SLC2A5: variants seen among roughly 807,000 people sequenced by gnomAD.
SLC2A5 encodes solute carrier family 2 member 5, also known as solute carrier family 2, facilitated glucose transporter member 5.
SLC2A5 carries 56 observed loss-of-function variants against 50.3 expected under a neutral mutation model. The observed-to-expected ratio is 1.11, with a 90% CI of 0.90 to 1.39. The LOEUF (loss-of-function observed/expected upper bound fraction) is 1.39. Among genes scored for constraint, SLC2A5 ranks in the 40% most tolerant of loss-of-function variants. The probability of loss-of-function intolerance (pLI) is 0.00; values close to 1 mark genes in which losing one functional copy is unlikely to be tolerated. For missense variants in SLC2A5, 566 were observed against 650.1 expected (o/e 0.87, Z 1.41); for synonymous variants, 269 against 281.9 (o/e 0.95, Z 0.46).
intron 4 of SLC2A5, among the ~76,000 whole-genome samples, chr1:9,043,072 C>T (rs374544783): frequency 3.3e-5 from 5 of 152,056 alleles, no homozygotes; most frequent in East Asian, 3.9e-4. Flanking sequence ...ACATATATTG[C>T]CCTATTTAAT....
upstream of SLC2A5, among the ~76,000 whole-genome samples, chr1:9,093,250 G>A (rs116896148): frequency 6.0e-3 from 917 of 151,982 alleles, 26 homozygotes; most frequent in East Asian, 0.089. Context: ...CCAGATCATC[G>A]TTACTACACC....
At chr1:9,055,674 G>A (rs1641732973) in intron 3 of SLC2A5, among the ~76,000 whole-genome samples, 1 of 152,022 alleles carries the variant, frequency 6.6e-6, no homozygotes, top group Admixed American at 6.6e-5. Context: ...TCAGCACTTG[G>A]GGAGGCCGAG....
intron 2 of SLC2A5, chr1:9,082,931 G>A (rs948016167): frequency 1.4e-5 from 3 of 216,556 alleles, no homozygotes; most frequent in African/African-American, 2.4e-5. Context: ...GGGGGCAGGG[G>A]GAATGAGCAG....
At chr1:9,066,100 A>G (rs954012280) in intron 1 of SLC2A5, among the ~76,000 whole-genome samples, 1 of 152,182 alleles carries the variant, frequency 6.6e-6, no homozygotes, top group African/African-American at 2.4e-5. Flanking sequence ...GGACCCGGAG[A>G]GCACAGAGGG....
At chr1:9,077,997 A>C (rs1383485419) in intron 2 of SLC2A5, among the ~76,000 whole-genome samples, 2 of 152,318 alleles carry the variant, frequency 1.3e-5, no homozygotes, top group Admixed American at 6.5e-5. Flanking sequence ...GGGCTGCTCA[A>C]CTGATTATAT....
At chr1:9,058,004 C>T (rs1444214286) in intron 2 of SLC2A5, 148 bp downstream of exon 2, 3 of 637,632 alleles carry the variant, frequency 4.7e-6, no homozygotes, top group Non-Finnish European at 8.5e-6. Flanking sequence ...CTGCGAGTTC[C>T]CTCGGGTCTG....
Position 9,037,544 on chromosome 1 carries a change from G to A in SLC2A5, c.*42C>T, listed in dbSNP as rs749630201. ...AAGTCAGAAAAATAAGCCAAAGTGG[G>A]AAGCCCCTGGCAGACCAGCTCCACT... On this transcript the variant is annotated 3_prime_UTR_variant, in exon 12 of 12. Coordinates refer to ENST00000377424, the MANE Select transcript of SLC2A5 (RefSeq NM_003039.3). 1.3e-6 allele frequency: 2 copies of A among 1,557,738 alleles called. No individual in the cohort carries two copies. The highest frequency in any genetic ancestry group is 2.2e-5 in the East Asian group (1 of 44,606).
chr1:9,054,206 C>G (rs1341464434), intron 3 of SLC2A5, among the ~76,000 whole-genome samples: 1 of 152,102 alleles, frequency 6.6e-6, no homozygotes, highest in Non-Finnish European at 1.5e-5. Flanking sequence ...AGTCTCAGAA[C>G]TGATGACAAA....
At chr1:9,076,714 A>T (rs1642287294) in intron 2 of SLC2A5, among the ~76,000 whole-genome samples, 1 of 152,046 alleles carries the variant, frequency 6.6e-6, no homozygotes, top group African/African-American at 2.4e-5. Flanking sequence ...AAGTTTGAGG[A>T]CTGCAACCCA....
intron 2 of SLC2A5, among the ~76,000 whole-genome samples, chr1:9,081,958 T>G (rs1340166836): frequency 1.3e-5 from 2 of 152,150 alleles, no homozygotes; most frequent in Non-Finnish European, 2.9e-5. Context: ...GGTGCACACC[T>G]GTAATCCCAG....
chr1:9,039,169 C>T (rs576512959), intron 8 of SLC2A5, among the ~76,000 whole-genome samples: 39 of 152,282 alleles, frequency 2.6e-4, no homozygotes, highest in African/African-American at 9.4e-4. Context: ...CCTAATCCCA[C>T]AACCCTGAGC....
At chr1:9,042,293 G>A (rs866061989) in intron 4 of SLC2A5, among the ~76,000 whole-genome samples, 18 of 152,104 alleles carry the variant, frequency 1.2e-4, no homozygotes, top group South Asian at 8.3e-4. Context: ...GTGATGGCTC[G>A]TGCCTGTAAT....
At chr1:9,045,151 C>T (rs1641404875) in intron 4 of SLC2A5, among the ~76,000 whole-genome samples, 1 of 152,094 alleles carries the variant, frequency 6.6e-6, no homozygotes, top group African/African-American at 2.4e-5. Flanking sequence ...CTGACCTGAC[C>T]CAGAAGTACA....
chr1:9,037,977 G>A lies in SLC2A5; in HGVS notation c.1222C>T (p.Arg408Trp), dbSNP rs771183532. 25 of 1,613,834 alleles carry A rather than the reference G, an allele frequency of 1.5e-5. No individual in the cohort carries two copies. Among genetic ancestry groups the A allele is most frequent in the Non-Finnish European group, 1.9e-5 (23 of 1,180,022 alleles). Residue 408 changes from arginine (R) to tryptophan (W), a missense_variant, in exon 11 of 12, where the codon CGG becomes TGG. Transcript: ENST00000377424. ...CCCCCCACCATGAAGGCAGATGGCC[G>A]AGAGGACTGCAGGAAGATCTCAGTG... ...LITEIFLQSS[R>W]PSAFMVGGSV...
chr1:9,043,726 T>G (rs1641364490), intron 4 of SLC2A5, among the ~76,000 whole-genome samples: 1 of 151,408 alleles, frequency 6.6e-6, no homozygotes, highest in African/African-American at 2.4e-5. Context: ...AAAGTGGCTT[T>G]TTTTTTTTTT....
chr1:9,091,247 T>C (rs1330756324), upstream of SLC2A5, among the ~76,000 whole-genome samples: 1 of 152,156 alleles, frequency 6.6e-6, no homozygotes, highest in Non-Finnish European at 1.5e-5. Flanking sequence ...CATGCCTTAT[T>C]ACAGGACCCC....
chr1:9,059,772 G>A (rs565291413), intron 1 of SLC2A5, among the ~76,000 whole-genome samples: 2 of 151,704 alleles, frequency 1.3e-5, no homozygotes, highest in Non-Finnish European at 1.5e-5. Context: ...GGGCTCAAGC[G>A]ATCCTCCTGC....
In SLC2A5 at chr1:9,040,327, A is replaced by G. The variant is rs1641267435; in HGVS notation, c.572-138T>C. On this transcript the variant is annotated intron_variant, in intron 5 of 11. Transcript: ENST00000377424. The surrounding 1 kb of genome is among the most constrained non-coding windows in gnomAD (Gnocchi z 4.3). ...GCACAGCTTTCCCAGCCCTAAGAAC[A>G]GCAACTCCCGACGGTGGACACTCGG... The G allele has an allele frequency of 9.6e-7, 1 of 1,044,888 alleles. No homozygotes were observed. The highest frequency in any genetic ancestry group is 1.3e-6 in the Non-Finnish European group (1 of 742,320). The allele number at this position is 1,044,888 out of a possible 1,614,324, so 64.7% of individuals were successfully genotyped here. A position where few individuals can be genotyped will look rare whatever the true frequency, so the allele number is the denominator to read the frequency against.
Position 9,047,742 on chromosome 1 carries a change from G to GTTT in SLC2A5, c.294-9_294-8insAAA. The GTTT allele has an allele frequency of 6.2e-7, 1 of 1,611,080 alleles. No homozygotes were observed. Among genetic ancestry groups the GTTT allele is most frequent in the East Asian group, 2.2e-5 (1 of 44,804 alleles). On this transcript the variant is annotated splice_polypyrimidine_tract_variant and intron_variant, in intron 3 of 11. Transcript: ENST00000377424. ...AACAGCAAGGCCCCTTTTCTGCAGA[G>GTTT]GACAAAATATCAGTTAGTTTTGCTG... is the stretch of plus-strand genomic sequence containing the variant.
Sources: gnomAD v4.1 joint callset for allele counts (sites outside exome capture counted in the v4.1 genomes callset) on GRCh38, gnomAD v4.1.1 for gene constraint, Gnocchi (gnomAD v3.1) non-coding constraint, MANE v1.5 for transcripts, NCBI Gene and HGNC (gene_info 2026-07-23, HGNC 2026-07-21) for gene names.